ANK2: variants seen among roughly 807,000 people sequenced by gnomAD.
The protein encoded by ANK2 is ankyrin-2.
A neutral mutation model predicts 360.5 loss-of-function variants in ANK2; 83 were observed. That is an observed-to-expected ratio of 0.23 (90% CI 0.19 to 0.28). ANK2 has a LOEUF of 0.28. ANK2 is among the 10% of genes least tolerant of loss of function. ANK2 has a pLI of 1.00. For synonymous variants in ANK2, 1,740 were observed against 1,759.5 expected, an observed-to-expected ratio of 0.99 and a Z score of 0.28; for missense variants, 4,201 against 4,795.7, an observed-to-expected ratio of 0.88 and a Z score of 3.66.
the ANK2 span, among the ~76,000 whole-genome samples, chr4:112,792,963 C>T: frequency 6.6e-6 from 1 of 152,158 alleles, no homozygotes; most frequent in Non-Finnish European, 1.5e-5. Flanking sequence ...AACCTCCCAT[C>T]TGCTACCTCA....
chr4:112,986,862 T>C (rs2045061189), intron 2 of ANK2, among the ~76,000 whole-genome samples: 1 of 152,216 alleles, frequency 6.6e-6, no homozygotes, highest in Admixed American at 6.5e-5. Context: ...TGTTCACATT[T>C]CACTTAACTT....
At chr4:112,910,224 G>A (rs943475724) in intron 2 of ANK2, among the ~76,000 whole-genome samples, 1 of 152,168 alleles carries the variant, frequency 6.6e-6, no homozygotes, top group Non-Finnish European at 1.5e-5. Flanking sequence ...GCGTGAATCT[G>A]GCCCGCTTCA....
intron 1 of ANK2, among the ~76,000 whole-genome samples, chr4:113,165,208 A>G (rs2097708988): frequency 6.6e-6 from 1 of 152,194 alleles, no homozygotes; most frequent in Non-Finnish European, 1.5e-5. Context: ...TGGGTCTGTG[A>G]TACAAATTGT....
Position 113,174,385 on chromosome 4 carries a change from G to T in ANK2, c.85-31G>T, listed in dbSNP as rs2098113644. ...TGGATACATTTCTATTTCATCAATA[G>T]TTCATTAAAGGTCTTTTATTTTTCT... is the stretch of plus-strand genomic sequence containing the variant. On this transcript the variant is annotated intron_variant, in intron 1 of 45. Coordinates refer to ENST00000357077, the MANE Select transcript of ANK2 (RefSeq NM_001148.6). 1.9e-6 allele frequency: 3 copies of T among 1,539,202 alleles called. No homozygotes were observed. In the African/African-American group the frequency reaches 4.1e-5, roughly 21 times the overall value.
chr4:113,176,936 C>T (rs1003122749), intron 2 of ANK2, among the ~76,000 whole-genome samples: 6 of 152,064 alleles, frequency 3.9e-5, no homozygotes, highest in Non-Finnish European at 8.8e-5. Flanking sequence ...CAGCTTCATC[C>T]GTGTCCCTAC....
chr4:112,708,463 TA>T, the ANK2 span, among the ~76,000 whole-genome samples: 6 of 152,182 alleles, frequency 3.9e-5, no homozygotes, highest in Non-Finnish European at 7.4e-5. Flanking sequence ...GAAATTAAAA[TA>T]TTTTAGGAAA....
chr4:113,245,807 ATT>A (rs913920079), intron 9 of ANK2, among the ~76,000 whole-genome samples: 1 of 147,110 alleles, frequency 6.8e-6, no homozygotes, highest in African/African-American at 2.5e-5. Flanking sequence ...ACATATGAAA[ATT>A]TTTTTTTTTT....
the ANK2 span, among the ~76,000 whole-genome samples, chr4:112,783,971 G>A: frequency 6.6e-6 from 1 of 151,902 alleles, no homozygotes; most frequent in African/African-American, 2.4e-5. Context: ...TTTTTAAAAC[G>A]TATTGTGGTA....
At chr4:113,135,945 T>C (rs927859303) in intron 1 of ANK2, among the ~76,000 whole-genome samples, 1 of 152,236 alleles carries the variant, frequency 6.6e-6, no homozygotes, top group African/African-American at 2.4e-5. Flanking sequence ...ATTAAAGCAT[T>C]TCTGTGAGTA....
intron 1 of ANK2, among the ~76,000 whole-genome samples, chr4:113,056,410 A>G (rs956290177): frequency 2.6e-5 from 4 of 152,134 alleles, no homozygotes; most frequent in Admixed American, 6.6e-5. Flanking sequence ...TTTAATCTGT[A>G]TTTGTTTCTG....
chr4:113,055,954 T>C (rs2069547412), intron 1 of ANK2, among the ~76,000 whole-genome samples: 1 of 152,184 alleles, frequency 6.6e-6, no homozygotes, highest in Non-Finnish European at 1.5e-5. Flanking sequence ...ATGCTCACTC[T>C]TATCTATGGG....
chr4:113,096,578 C>A (rs1393026654), intron 1 of ANK2, among the ~76,000 whole-genome samples: 1 of 152,104 alleles, frequency 6.6e-6, no homozygotes, highest in Non-Finnish European at 1.5e-5. Flanking sequence ...TCCAAAGCTG[C>A]AAATAACTCT....
the ANK2 span, among the ~76,000 whole-genome samples, chr4:112,795,827 G>A: frequency 7.5e-6 from 1 of 133,568 alleles, no homozygotes; most frequent in Non-Finnish European, 1.6e-5. Context: ...GAGACAGGTT[G>A]TCACTCTGTT....
chr4:113,264,159 C>T (rs576032431), intron 13 of ANK2, among the ~76,000 whole-genome samples: 1 of 152,116 alleles, frequency 6.6e-6, no homozygotes, highest in Non-Finnish European at 1.5e-5. Context: ...CTGGGCAAAT[C>T]AAATTTCTTG....
intron 2 of ANK2, among the ~76,000 whole-genome samples, chr4:113,193,028 G>T (rs1344862442): frequency 6.6e-6 from 1 of 152,048 alleles, no homozygotes; most frequent in Non-Finnish European, 1.5e-5. Context: ...ACTCCGCTAT[G>T]GATGAAGTGG....
intron 2 of ANK2, among the ~76,000 whole-genome samples, chr4:113,193,447 G>A (rs1201696471): frequency 6.6e-6 from 1 of 152,154 alleles, no homozygotes; most frequent in African/African-American, 2.4e-5. Context: ...GTTTAGAGAA[G>A]CCGCTGTGGA....
chr4:113,223,737 A>G (rs745800485), intron 4 of ANK2, among the ~76,000 whole-genome samples: 2 of 152,222 alleles, frequency 1.3e-5, no homozygotes, highest in Non-Finnish European at 2.9e-5. Flanking sequence ...CTATTGCTGC[A>G]TAACAAATTA....
At chr4:112,940,040 A>G (rs2094088585) in intron 2 of ANK2, among the ~76,000 whole-genome samples, 1 of 152,214 alleles carries the variant, frequency 6.6e-6, no homozygotes, top group South Asian at 2.1e-4. Context: ...TTAGTTTTAT[A>G]ATAAATTTGT....
rs749414257 is a variant in ANK2, at chr4:113,237,100, C to T, written c.597C>T (p.Ala199=). 1.7e-5 allele frequency: 28 copies of T among 1,614,006 alleles called. No individual in the cohort carries two copies. Among genetic ancestry groups the T allele is most frequent in the East Asian group, 2.2e-5 (1 of 44,898 alleles). ...TGAGGCTGCCAGCTCTGCATATTGCCGCTAGGAAAGACGACACCAAATCTG... is the reference window on the plus strand; with the variant it reads ...TGAGGCTGCCAGCTCTGCATATTGCTGCTAGGAAAGACGACACCAAATCTG... The part of the protein sequence containing the change: ...GKVRLPALHI[A]ARKDDTKSAA... Residue 199 remains alanine (A), a synonymous_variant, in exon 6 of 46, where the codon GCC becomes GCT. Transcript: ENST00000357077.
Sources: gnomAD v4.1 joint callset for allele counts (sites outside exome capture counted in the v4.1 genomes callset) on GRCh38, gnomAD v4.1.1 for gene constraint, MANE v1.5 for transcripts, NCBI Gene and HGNC (gene_info 2026-07-23, HGNC 2026-07-21) for gene names.